The following LRP6 variants were observed in gnomAD, a reference collection of about 807,000 sequenced individuals.
The protein encoded by LRP6 is LDL receptor related protein 6, also known as low-density lipoprotein receptor-related protein 6.
A neutral mutation model predicts 184.1 loss-of-function variants in LRP6; 43 were observed. That is an observed-to-expected ratio of 0.23 (90% CI 0.18 to 0.30). The LOEUF is 0.30. Ranked by LOEUF, LRP6 falls within the 10% of genes least tolerant of loss-of-function variation. The pLI, the probability that LRP6 is intolerant of heterozygous loss-of-function variation, is 1.00. For synonymous variants in LRP6, 719 were observed against 684.9 expected (o/e 1.05, Z -0.78); for missense variants, 1,571 against 2,005.3 (o/e 0.78, Z 4.14).
At chr12:12,214,338 G>T (rs950597876) in intron 2 of LRP6, among the ~76,000 whole-genome samples, 3 of 152,090 alleles carry the variant, frequency 2.0e-5, no homozygotes, top group African/African-American at 7.2e-5. Flanking sequence ...CTTCCTTTAT[G>T]TTAAACCTAA....
chr12:12,266,571 G>A (rs866220733), intron 1 of LRP6, 110 bp downstream of exon 1: 20 of 603,902 alleles, frequency 3.3e-5, no homozygotes, highest in South Asian at 1.7e-4. Flanking sequence ...GCCTCTCCCC[G>A]CTCCTCTCCC....
chr12:12,138,833 C>T, intron 15 of LRP6: 2 of 1,400,626 alleles, frequency 1.4e-6, no homozygotes, highest in Non-Finnish European at 1.9e-6. Context: ...ATATATACAA[C>T]AGATAAAAAT....
chr12:12,201,577 C>T (rs1863914924), intron 3 of LRP6, among the ~76,000 whole-genome samples: 1 of 152,132 alleles, frequency 6.6e-6, no homozygotes, highest in African/African-American at 2.4e-5. Context: ...GGTCTTGTGG[C>T]TGTTGGTGGT....
At chr12:12,209,910 T>A (rs1294486154) in intron 2 of LRP6, among the ~76,000 whole-genome samples, 2 of 152,186 alleles carry the variant, frequency 1.3e-5, no homozygotes, top group African/African-American at 4.8e-5. Flanking sequence ...TGACACCCAA[T>A]CAAGTCAATG....
intron 7 of LRP6, among the ~76,000 whole-genome samples, chr12:12,168,503 A>C (rs1031930158): frequency 1.3e-5 from 2 of 152,232 alleles, no homozygotes; most frequent in African/African-American, 2.4e-5. Context: ...CAAAGGATAC[A>C]GCATCAAGCA....
chr12:12,129,345 T>C (rs950412460), intron 19 of LRP6, among the ~76,000 whole-genome samples: 2 of 152,202 alleles, frequency 1.3e-5, no homozygotes, highest in Non-Finnish European at 2.9e-5. Context: ...AAGAAAAGCA[T>C]AGTCCTCCAT....
chr12:12,238,366 T>C (rs1423265409), intron 2 of LRP6, among the ~76,000 whole-genome samples: 1 of 149,662 alleles, frequency 6.7e-6, no homozygotes, highest in African/African-American at 2.5e-5. Flanking sequence ...CGAAGGAAAA[T>C]TAAGAAAAAA....
At chr12:12,233,332 G>T (rs1290180922) in intron 2 of LRP6, among the ~76,000 whole-genome samples, 1 of 152,110 alleles carries the variant, frequency 6.6e-6, no homozygotes, top group East Asian at 1.9e-4. Context: ...GCCGGGCATG[G>T]TGGTGGGTGC....
rs1280059878 is a variant in LRP6, at chr12:12,204,907, C to A, written c.450-1507G>T. Among the ~76,000 whole-genome samples, 5 of 149,414 alleles carry A rather than the reference C, an allele frequency of 3.3e-5. 1 individual carries two copies. The highest frequency in any genetic ancestry group is 1.2e-4 in the African/African-American group (5 of 40,438). ...GCTTGAACCTGGGAGGCGGAGGGTG[C>A]AGTGAGCCGAGATCACACCATTGCA... On this transcript the variant is annotated intron_variant, in intron 2 of 22. Transcript: ENST00000261349.
Position 12,266,887 on chromosome 12 carries a change from C to CCG in LRP6, c.-154_-153dup. ...AGAAAGAAAGGGGCACGTCAAGGTT[C>CCG]CGCGCGCGCCGCCGCCGCCCTCTCT... On this transcript the variant is annotated 5_prime_UTR_variant, in exon 1 of 23. An upstream open reading frame in the 5' UTR loses its in-frame stop. Coordinates refer to ENST00000261349, the MANE Select transcript of LRP6 (RefSeq NM_002336.3). 1 of 710,314 alleles carries CCG rather than the reference C, an allele frequency of 1.4e-6. No individual in the cohort carries two copies. Among genetic ancestry groups the CCG allele is most frequent in the Non-Finnish European group, 2.5e-6 (1 of 405,150 alleles). The allele number at this position is 710,314 out of a possible 1,614,324, so 44.0% of individuals were successfully genotyped here. A position where few individuals can be genotyped will look rare whatever the true frequency, so the allele number is the denominator to read the frequency against.
intron 20 of LRP6, among the ~76,000 whole-genome samples, chr12:12,125,704 A>G (rs958817915): frequency 2.6e-5 from 4 of 152,168 alleles, no homozygotes; most frequent in African/African-American, 9.7e-5. Context: ...GAGCTATTTA[A>G]AATAAGGGCT....
chr12:12,165,996 T>C (rs1473953378), intron 7 of LRP6, among the ~76,000 whole-genome samples: 1 of 152,202 alleles, frequency 6.6e-6, no homozygotes, highest in Non-Finnish European at 1.5e-5. Flanking sequence ...ATTCATACTG[T>C]ATTCACAGTG....
chr12:12,146,642 G>A (rs1435711635), intron 15 of LRP6, among the ~76,000 whole-genome samples: 1 of 152,202 alleles, frequency 6.6e-6, no homozygotes, highest in Non-Finnish European at 1.5e-5. Flanking sequence ...ACCAACTTAA[G>A]AGTACAACTA....
chr12:12,265,604 C>T (rs1389384344), intron 1 of LRP6, among the ~76,000 whole-genome samples: 2 of 152,210 alleles, frequency 1.3e-5, no homozygotes, highest in African/African-American at 2.4e-5. Context: ...AAAGAACTTA[C>T]TATGAACGCC....
chr12:12,138,983 A>C (rs1356026501), intron 15 of LRP6: 3 of 1,347,256 alleles, frequency 2.2e-6, no homozygotes, highest in Non-Finnish European at 3.0e-6. Flanking sequence ...CCCCAAGGTA[A>C]GAATTATTTC....
chr12:12,249,407 CAAG>C (rs1194532333), intron 1 of LRP6: 7 of 843,140 alleles, frequency 8.3e-6, no homozygotes, highest in Non-Finnish European at 1.2e-5. Flanking sequence ...TCAGCCACCT[CAAG>C]GACAGTGTTA....
chr12:12,204,987 A>G (rs530524236), intron 2 of LRP6, among the ~76,000 whole-genome samples: 26 of 151,932 alleles, frequency 1.7e-4, no homozygotes, highest in Non-Finnish European at 3.4e-4. Context: ...AAAAAAAAAT[A>G]GAAAAACTCT....
At chr12:12,234,775 G>A (rs956261014) in intron 2 of LRP6, among the ~76,000 whole-genome samples, 1 of 151,384 alleles carries the variant, frequency 6.6e-6, no homozygotes, top group African/African-American at 2.4e-5. Flanking sequence ...AGGTTGCAAT[G>A]AGCCAAGATG....
intron 5 of LRP6, among the ~76,000 whole-genome samples, chr12:12,181,999 A>G (rs1303552506): frequency 6.6e-6 from 1 of 152,230 alleles, no homozygotes; most frequent in African/African-American, 2.4e-5. Flanking sequence ...AACAAAGAGA[A>G]ATACAGGGCA....
Sources: allele counts gnomAD v4.1 joint callset (sites outside exome capture counted in the v4.1 genomes callset), GRCh38; gene constraint gnomAD v4.1.1; transcripts MANE v1.5; gene names NCBI Gene and HGNC (gene_info 2026-07-23, HGNC 2026-07-21).